CXXC5: variants seen among roughly 807,000 people sequenced by gnomAD.
The protein encoded by CXXC5 is CXXC-type zinc finger protein 5.
A neutral mutation model predicts 17.6 loss-of-function variants in CXXC5; 2 were observed. The observed-to-expected ratio is 0.11, with a 90% CI of 0.05 to 0.36. The LOEUF (loss-of-function observed/expected upper bound fraction) is 0.36. Ranked by LOEUF, CXXC5 falls within the 10% of genes least tolerant of loss-of-function variation. The probability of loss-of-function intolerance (pLI) is 1.00; values close to 1 mark genes in which losing one functional copy is unlikely to be tolerated. For synonymous variants in CXXC5, 171 were observed against 193.0 expected, an observed-to-expected ratio of 0.89 and a Z score of 0.94; for missense variants, 343 against 458.3, an observed-to-expected ratio of 0.75 and a Z score of 2.30.
intron 1 of CXXC5, among the ~76,000 whole-genome samples, chr5:139,669,428 A>G (rs1756322718): frequency 6.6e-6 from 1 of 151,734 alleles, no homozygotes; most frequent in African/African-American, 2.4e-5. Context: ...ATAGCGGGAG[A>G]GAGGGTAGGT....
rs1489794755 is a variant in CXXC5, at chr5:139,670,673, C to T, written c.-160-9691C>T. Among the ~76,000 whole-genome samples, 1 of 152,244 alleles carries T rather than the reference C, an allele frequency of 6.6e-6. No homozygotes were observed. Among genetic ancestry groups the T allele is most frequent in the Non-Finnish European group, 1.5e-5 (1 of 68,054 alleles). Reference sequence around the variant, plus strand: ...CTCTCACCACGTAAACCACCCTATTCGCACACACGTGCACTTGGACATCCA... The same window carrying T: ...CTCTCACCACGTAAACCACCCTATTTGCACACACGTGCACTTGGACATCCA... On this transcript the variant is annotated intron_variant, in intron 1 of 2. Coordinates refer to ENST00000302517, the MANE Select transcript of CXXC5 (RefSeq NM_016463.9). The surrounding 1 kb of genome is among the most constrained non-coding windows in gnomAD (Gnocchi z 4.2).
chr5:139,680,973 G>T lies in CXXC5; in HGVS notation c.450G>T (p.Arg150=). 1 of 1,602,330 alleles carries T rather than the reference G, an allele frequency of 6.2e-7. No homozygotes were observed. Among genetic ancestry groups the T allele is most frequent in the Non-Finnish European group, 8.5e-7 (1 of 1,179,934 alleles). Residue 150 remains arginine, a synonymous_variant, in exon 2 of 3, where the codon CGG becomes CGT. Coordinates refer to ENST00000302517, the MANE Select transcript of CXXC5 (RefSeq NM_016463.9). ...CCAGCCTGCTGAGCAAGGCAGAGCGGGCCACGGAGCTGGCAGCCGAGGGAC... is the reference window on the plus strand; with the variant it reads ...CCAGCCTGCTGAGCAAGGCAGAGCGTGCCACGGAGCTGGCAGCCGAGGGAC... ...AVASLLSKAE[R]ATELAAEGQL... is the part of the protein sequence containing the mutation.
At chr5:139,654,398 C>T (rs1368382153) in intron 1 of CXXC5, among the ~76,000 whole-genome samples, 1 of 152,194 alleles carries the variant, frequency 6.6e-6, no homozygotes, top group Non-Finnish European at 1.5e-5. Context: ...ACCTCAGTTT[C>T]CTAATCTCTG....
intron 1 of CXXC5, among the ~76,000 whole-genome samples, chr5:139,667,633 A>G (rs920482504): frequency 2.6e-5 from 4 of 151,514 alleles, no homozygotes; most frequent in Non-Finnish European, 5.9e-5. Context: ...GCAGCTCCTG[A>G]CCCTCCTGGC....
At chr5:139,657,260 G>A (rs1168693018) in intron 1 of CXXC5, among the ~76,000 whole-genome samples, 2 of 152,228 alleles carry the variant, frequency 1.3e-5, no homozygotes, top group Admixed American at 6.5e-5. Context: ...CTGCCTAGTG[G>A]GATGGAGTCC....
chr5:139,649,972 A>G (rs1049035714), intron 1 of CXXC5, among the ~76,000 whole-genome samples: 10 of 152,118 alleles, frequency 6.6e-5, no homozygotes, highest in African/African-American at 2.4e-4. Flanking sequence ...GGCTTTGTTT[A>G]TTTGTAGGAT....
chr5:139,672,274 C>T (rs1044113055), intron 1 of CXXC5, among the ~76,000 whole-genome samples: 1 of 152,150 alleles, frequency 6.6e-6, no homozygotes, highest in Admixed American at 6.5e-5. Flanking sequence ...TGCACCACCA[C>T]GCTCGGCTAA....
intron 1 of CXXC5, among the ~76,000 whole-genome samples, chr5:139,675,931 G>A (rs1172373605): frequency 1.3e-5 from 2 of 152,154 alleles, no homozygotes; most frequent in East Asian, 3.9e-4. Flanking sequence ...GGCAGGCTCC[G>A]TGCCTTCTGG....
At chr5:139,662,591 GT>G (rs1240965272) in intron 1 of CXXC5, among the ~76,000 whole-genome samples, 1 of 152,220 alleles carries the variant, frequency 6.6e-6, no homozygotes, top group African/African-American at 2.4e-5. Context: ...CAAAGGGCAT[GT>G]GGCTATAAGG....
intron 1 of CXXC5, among the ~76,000 whole-genome samples, chr5:139,672,177 G>GCGT (rs1471315049): frequency 2.0e-5 from 3 of 152,172 alleles, no homozygotes; most frequent in African/African-American, 7.2e-5. Context: ...GAGTGCAATG[G>GCGT]CGTGATCTTG....
intron 1 of CXXC5, among the ~76,000 whole-genome samples, chr5:139,655,677 C>T (rs1425933532): frequency 1.3e-5 from 2 of 152,134 alleles, no homozygotes; most frequent in Non-Finnish European, 2.9e-5. Flanking sequence ...CCTCCTCCTT[C>T]CCAGTGGAAC....
intron 1 of CXXC5, among the ~76,000 whole-genome samples, chr5:139,652,646 A>G (rs549771009): frequency 6.6e-6 from 1 of 152,312 alleles, no homozygotes; most frequent in Admixed American, 6.5e-5. Context: ...GAGTCTGAAC[A>G]TACATGGATT....
rs564165594 is a variant in CXXC5, at chr5:139,672,795, C to T, written c.-160-7569C>T. 5.9e-5 allele frequency among the ~76,000 whole-genome samples: 9 copies of T among 152,298 alleles called. No homozygotes were observed. In the South Asian group the frequency reaches 1.9e-3, roughly 32 times the overall value. On this transcript the variant is annotated intron_variant, in intron 1 of 2. Transcript: ENST00000302517. ...GGCTTAGTGGCGGAAAGAGCTTGGT[C>T]AAAGTCACCAGTCAGGGAGGGACAG...
rs1415228924 is a variant in CXXC5 at position 139,681,140 on chromosome 5, CCGA to C, written c.619_621del (p.Asp207del). Reference sequence around the variant, plus strand: ...GGTGCCGAAGCCCTCAATGGCCAGTCCGACTTCCCCTACCTGGGCGCTTTCCCC... The same window carrying C: ...GGTGCCGAAGCCCTCAATGGCCAGTCCTTCCCCTACCTGGGCGCTTTCCCC... On this transcript the variant is annotated inframe_deletion, in exon 2 of 3. Coordinates refer to ENST00000302517, the MANE Select transcript of CXXC5 (RefSeq NM_016463.9). The C allele has an allele frequency of 6.2e-7, 1 of 1,612,870 alleles. No individual in the cohort carries two copies. Among genetic ancestry groups the C allele is most frequent in the Non-Finnish European group, 8.5e-7 (1 of 1,179,976 alleles).
chr5:139,681,523 C>G, intron 2 of CXXC5, 76 bp downstream of exon 2: 2 of 1,490,714 alleles, frequency 1.3e-6, no homozygotes, highest in South Asian at 2.8e-5. Context: ...ATCCCCTGAC[C>G]CCACTTTTCC....
At chr5:139,653,594 A>G (rs1470579812) in intron 1 of CXXC5, among the ~76,000 whole-genome samples, 1 of 152,146 alleles carries the variant, frequency 6.6e-6, no homozygotes, top group Non-Finnish European at 1.5e-5. Context: ...GGAACCCCAC[A>G]GTCCTCTGTA....
At chr5:139,675,052 C>T (rs1037808649) in intron 1 of CXXC5, among the ~76,000 whole-genome samples, 3 of 152,150 alleles carry the variant, frequency 2.0e-5, no homozygotes, top group African/African-American at 4.8e-5. Flanking sequence ...TGTCCCCTTC[C>T]GGCTCTTGTT....
Position 139,661,174 on chromosome 5 carries a change from G to A in CXXC5, c.-161+12329G>A, listed in dbSNP as rs572197137. ...GCCAGCCTCCCCGCCGCGGCTGCCC[G>A]CGCCGCCCCCCCACCTCTTGCGCTG... On this transcript the variant is annotated intron_variant, in intron 1 of 2. Transcript: ENST00000302517. This position sits in a 1 kb window ranked among gnomAD's most constrained non-coding sequence, Gnocchi z 4.7. Among the ~76,000 whole-genome samples the A allele has an allele frequency of 6.6e-5, 10 of 152,238 alleles. No homozygotes were observed. In the South Asian group the frequency reaches 2.1e-3, roughly 32 times the overall value.
intron 1 of CXXC5, among the ~76,000 whole-genome samples, chr5:139,679,327 G>A (rs1322160547): frequency 2.6e-5 from 4 of 152,226 alleles, no homozygotes; most frequent in East Asian, 1.9e-4. Context: ...ATTGTGGTTC[G>A]GGGGTTGAGA....
Sources: allele counts gnomAD v4.1 joint callset (sites outside exome capture counted in the v4.1 genomes callset), GRCh38; gene constraint gnomAD v4.1.1; non-coding constraint Gnocchi (gnomAD v3.1); transcripts MANE v1.5; gene names NCBI Gene and HGNC (gene_info 2026-07-23, HGNC 2026-07-21).